The following STK32A variants were observed in gnomAD, a reference collection of about 807,000 sequenced individuals.
The protein encoded by STK32A is serine/threonine kinase 32A, also known as serine/threonine-protein kinase 32A.
STK32A carries 41 observed loss-of-function variants against 53.2 expected under a neutral mutation model. That is an observed-to-expected ratio of 0.77 (90% CI 0.60 to 1.00). The LOEUF is 1.00. STK32A is among the 50% of genes least tolerant of loss of function. The pLI, the probability that STK32A is intolerant of heterozygous loss-of-function variation, is 0.00. For missense variants in STK32A, 458 were observed against 485.8 expected, an observed-to-expected ratio of 0.94 and a Z score of 0.54; for synonymous variants, 166 against 162.8, an observed-to-expected ratio of 1.02 and a Z score of -0.15.
intron 2 of STK32A, among the ~76,000 whole-genome samples, chr5:147,253,615 C>T (rs1268883934): frequency 6.6e-6 from 1 of 152,170 alleles, no homozygotes; most frequent in Non-Finnish European, 1.5e-5. Flanking sequence ...CTCAGCCTCT[C>T]AAGGTGCTGG....
the STK32A span, chr5:147,397,638 ACCAC>A: frequency 7.5e-6 from 12 of 1,602,588 alleles, 1 homozygote; most frequent in Middle Eastern, 1.7e-4. Context: ...AAGCTCCTGC[ACCAC>A]CTCAGAGCTC....
chr5:147,367,504 A>G (rs1413352876), intron 8 of STK32A, among the ~76,000 whole-genome samples: 1 of 152,172 alleles, frequency 6.6e-6, no homozygotes, highest in Non-Finnish European at 1.5e-5. Flanking sequence ...CGAAAAGAGA[A>G]TCAGCGAAGG....
intron 4 of STK32A, among the ~76,000 whole-genome samples, chr5:147,280,439 G>T (rs1752003824): frequency 6.6e-6 from 1 of 151,234 alleles, no homozygotes; most frequent in African/African-American, 2.4e-5. Flanking sequence ...TGGGGGAGGG[G>T]GGTGGTGGAA....
intron 4 of STK32A, among the ~76,000 whole-genome samples, chr5:147,314,527 C>CAAAAAAAAAA (rs979925499): frequency 1.2e-3 from 23 of 19,366 alleles, no homozygotes; most frequent in Admixed American, 1.7e-3. Flanking sequence ...CAAAAAAAAA[C>CAAAAAAAAAA]AAAAAAAAAA....
At chr5:147,342,863 T>G in intron 5 of STK32A, 143 bp from the exon 6 acceptor site, 7 of 650,494 alleles carry the variant, frequency 1.1e-5, no homozygotes, top group Non-Finnish European at 1.6e-5. Context: ...AAATTTACTG[T>G]GAGAATTGAA....
Position 147,320,582 on chromosome 5 carries a change from A to G in STK32A, c.261-3316A>G, listed in dbSNP as rs535433334. Among the ~76,000 whole-genome samples, 6 of 152,346 alleles carry G rather than the reference A, an allele frequency of 3.9e-5. No individual in the cohort carries two copies. The South Asian group carries it at 1.2e-3, about 32-fold the overall frequency. ...ACTGGGAATGAAAGAAGCTAATCCAAAAGCATACAGGAAAATATTTTCAAA... is the reference window on the plus strand; with the variant it reads ...ACTGGGAATGAAAGAAGCTAATCCAGAAGCATACAGGAAAATATTTTCAAA... On this transcript the variant is annotated intron_variant, in intron 4 of 12. Coordinates refer to ENST00000397936, the MANE Select transcript of STK32A (RefSeq NM_001112724.2).
intron 2 of STK32A, among the ~76,000 whole-genome samples, chr5:147,247,200 T>C (rs1333343768): frequency 1.3e-5 from 2 of 152,252 alleles, no homozygotes; most frequent in South Asian, 2.1e-4. Flanking sequence ...ACTTCTGCTG[T>C]ATGGCCTTGC....
At chr5:147,279,180 T>C (rs1032754391) in intron 3 of STK32A, 67 bp from the exon 4 acceptor site, 15 of 1,481,428 alleles carry the variant, frequency 1.0e-5, no homozygotes, top group African/African-American at 4.1e-5. Context: ...ACATGTCTTG[T>C]TCTGTCTCTC....
chr5:147,284,920 A>G (rs1192636152), intron 4 of STK32A, among the ~76,000 whole-genome samples: 2 of 152,066 alleles, frequency 1.3e-5, no homozygotes, highest in African/African-American at 2.4e-5. Flanking sequence ...TCAAAATACC[A>G]CCATCATTCT....
intron 10 of STK32A, among the ~76,000 whole-genome samples, chr5:147,373,652 G>C (rs925821652): frequency 6.6e-6 from 1 of 152,144 alleles, no homozygotes; most frequent in African/African-American, 2.4e-5. Flanking sequence ...AGATGCAGAA[G>C]TTTGTGTCCC....
chr5:147,270,319 C>T (rs1361638788), intron 2 of STK32A, among the ~76,000 whole-genome samples: 2 of 151,978 alleles, frequency 1.3e-5, no homozygotes, highest in African/African-American at 4.8e-5. Flanking sequence ...CTCATGTAAT[C>T]CTCCCATCTT....
chr5:147,312,937 C>T (rs145878679), intron 4 of STK32A, among the ~76,000 whole-genome samples: 66 of 152,146 alleles, frequency 4.3e-4, no homozygotes, highest in African/African-American at 1.3e-3. Flanking sequence ...AAGGCAACCA[C>T]AGTGGGCCAG....
chr5:147,279,303 T>C lies in STK32A; in HGVS notation c.165T>C (p.Asn55=). Residue 55 remains asparagine (N), a synonymous_variant, in exon 4 of 13, where the codon AAT becomes AAC. Transcript: ENST00000397936. ...TKKMYAMKYM[N]KQKCVERNEV... Reference sequence around the variant, plus strand: ...AGATGTACGCAATGAAGTACATGAATAAACAAAAGTGCGTGGAGCGCAATG... The same window carrying C: ...AGATGTACGCAATGAAGTACATGAACAAACAAAAGTGCGTGGAGCGCAATG... 1.2e-6 allele frequency: 2 copies of C among 1,613,924 alleles called. No individual in the cohort carries two copies. The highest frequency in any genetic ancestry group is 1.7e-6 in the Non-Finnish European group (2 of 1,179,850).
At chr5:147,401,546 A>G in the STK32A span, 1 of 1,612,176 alleles carries the variant, frequency 6.2e-7, no homozygotes, top group Non-Finnish European at 8.5e-7. Flanking sequence ...CAACCTGGCC[A>G]GCAAGGAGTT....
chr5:147,346,898 G>A (rs1180188391), intron 6 of STK32A, among the ~76,000 whole-genome samples: 2 of 152,194 alleles, frequency 1.3e-5, no homozygotes, highest in East Asian at 1.9e-4. Flanking sequence ...ACTCAGCGTA[G>A]GAGGTGAGAA....
Position 147,303,983 on chromosome 5 carries a change from AC to A in STK32A, c.261-19914del, listed in dbSNP as rs765317984. ...ATTTACTCATCCTTTATTGAAAACA[AC>A]GCAAGGAGCCACTAGAAAATTTAAG... On this transcript the variant is annotated intron_variant, in intron 4 of 12. Transcript: ENST00000397936. Among the ~76,000 whole-genome samples, 13 of 152,344 alleles carry A rather than the reference AC, an allele frequency of 8.5e-5. No individual in the cohort carries two copies. The South Asian group carries it at 1.0e-3, about 12-fold the overall frequency.
chr5:147,306,770 G>A (rs1753428879), intron 4 of STK32A, among the ~76,000 whole-genome samples: 1 of 151,884 alleles, frequency 6.6e-6, no homozygotes. Context: ...ATATTTCTAA[G>A]GAAAGGGATA....
intron 2 of STK32A, among the ~76,000 whole-genome samples, chr5:147,257,426 C>T (rs1754284496): frequency 6.6e-6 from 1 of 152,006 alleles, no homozygotes; most frequent in South Asian, 2.1e-4. Context: ...TATAACAAGG[C>T]AAGCATTAAG....
At chr5:147,389,238 G>C (rs1757742215), downstream of STK32A, among the ~76,000 whole-genome samples, 1 of 152,102 alleles carries the variant, frequency 6.6e-6, no homozygotes, top group South Asian at 2.1e-4. Context: ...CACATCACCA[G>C]GCAAAACATT....
Sources: gnomAD v4.1 joint callset for allele counts (sites outside exome capture counted in the v4.1 genomes callset) on GRCh38, gnomAD v4.1.1 for gene constraint, MANE v1.5 for transcripts, NCBI Gene and HGNC (gene_info 2026-07-23, HGNC 2026-07-21) for gene names.